Variants in GALNT17 observed in about 807,000 individuals in gnomAD.
GALNT17 encodes the protein UDP-GalNAc:polypeptide N-acetylgalactosaminyltransferase-like 3.
A neutral mutation model predicts 63.7 loss-of-function variants in GALNT17; 29 were observed. That is an observed-to-expected ratio of 0.46 (90% CI 0.34 to 0.62). The LOEUF is 0.62. Among genes scored for constraint, GALNT17 ranks in the 20% least tolerant of loss-of-function variants. The pLI is 0.01. For synonymous variants in GALNT17, 305 were observed against 318.3 expected (o/e 0.96, Z 0.45); for missense variants, 603 against 799.6 (o/e 0.75, Z 2.97).
chr7:71,348,812 C>T (rs1223557579), intron 2 of GALNT17, among the ~76,000 whole-genome samples: 1 of 152,162 alleles, frequency 6.6e-6, no homozygotes, highest in Non-Finnish European at 1.5e-5. Flanking sequence ...TTACTGGGGA[C>T]TTGAGAGTTG....
intron 5 of GALNT17, among the ~76,000 whole-genome samples, chr7:71,459,272 A>G (rs1310385060): frequency 1.3e-5 from 2 of 152,202 alleles, no homozygotes; most frequent in Admixed American, 1.3e-4. Flanking sequence ...ATACAGAAAA[A>G]AAAAGTGACA....
chr7:71,421,023 G>A lies in GALNT17; in HGVS notation c.880G>A (p.Gly294Arg). 4 of 1,614,148 alleles carry A rather than the reference G, an allele frequency of 2.5e-6. No homozygotes were observed. Among genetic ancestry groups the A allele is most frequent in the Admixed American group, 1.7e-5 (1 of 60,020 alleles). The change falls in exon 5 of 11, where the codon GGG becomes AGG. Residue 294 changes from glycine to arginine, a missense_variant. Coordinates refer to ENST00000333538, the MANE Select transcript of GALNT17 (RefSeq NM_022479.3). ...EVQRYENSAH[G>R]YSWELWCMYI... ...GCAGCGGTACGAGAACTCGGCCCACGGGTACAGCTGGGAGCTGTGGTGCAT... is the reference window on the plus strand; with the variant it reads ...GCAGCGGTACGAGAACTCGGCCCACAGGTACAGCTGGGAGCTGTGGTGCAT...
At chr7:71,467,511 A>G (rs577674384) in intron 5 of GALNT17, among the ~76,000 whole-genome samples, 1 of 152,290 alleles carries the variant, frequency 6.6e-6, no homozygotes, top group African/African-American at 2.4e-5. Context: ...TTCAAGGGAC[A>G]ATTGCAAAAG....
chr7:71,270,166 T>C (rs1019931887), intron 1 of GALNT17, among the ~76,000 whole-genome samples: 1 of 152,096 alleles, frequency 6.6e-6, no homozygotes, highest in African/African-American at 2.4e-5. Context: ...CACAGAGAGA[T>C]TGAGAAACGT....
chr7:71,652,571 T>A (rs1023615401), intron 6 of GALNT17, among the ~76,000 whole-genome samples: 2 of 152,120 alleles, frequency 1.3e-5, no homozygotes, highest in Admixed American at 1.3e-4. Context: ...GAGTAACAAA[T>A]TAAAATATTC....
At chr7:71,221,733 G>A (rs1431412139) in intron 1 of GALNT17, among the ~76,000 whole-genome samples, 1 of 152,130 alleles carries the variant, frequency 6.6e-6, no homozygotes, top group Non-Finnish European at 1.5e-5. Flanking sequence ...TGCCTTTGAT[G>A]TAAGCTTCAT....
At chr7:71,362,147 G>C (rs753305286) in intron 2 of GALNT17, among the ~76,000 whole-genome samples, 2 of 151,956 alleles carry the variant, frequency 1.3e-5, no homozygotes, top group Non-Finnish European at 2.9e-5. Context: ...TAGTAGAAAC[G>C]GGGTTTCTCC....
At chr7:71,377,894 G>A (rs959182212) in intron 2 of GALNT17, among the ~76,000 whole-genome samples, 1 of 152,162 alleles carries the variant, frequency 6.6e-6, no homozygotes, top group Non-Finnish European at 1.5e-5. Context: ...TGCTATGATT[G>A]TAAGTTTCCT....
At chr7:71,281,891 C>T (rs777724907) in intron 1 of GALNT17, among the ~76,000 whole-genome samples, 8 of 152,186 alleles carry the variant, frequency 5.3e-5, no homozygotes, top group South Asian at 2.1e-4. Context: ...AGGTTAGTGT[C>T]GTGGGATGAA....
chr7:71,424,911 A>C (rs1252704571), intron 5 of GALNT17, among the ~76,000 whole-genome samples: 1 of 152,212 alleles, frequency 6.6e-6, no homozygotes, highest in Non-Finnish European at 1.5e-5. Context: ...CCCGGTAAGC[A>C]ACATAATATA....
intron 5 of GALNT17, among the ~76,000 whole-genome samples, chr7:71,546,095 A>G (rs35485629): frequency 0.049 from 7,485 of 151,830 alleles, 240 homozygotes; most frequent in Non-Finnish European, 0.078. Context: ...CCCTGTCTCA[A>G]CAACAACAAC....
chr7:71,492,584 TGGA>T (rs1788028943), intron 5 of GALNT17, among the ~76,000 whole-genome samples: 1 of 152,142 alleles, frequency 6.6e-6, no homozygotes. Context: ...CTTTCCCTGG[TGGA>T]GGAGAAGAGA....
intron 1 of GALNT17, among the ~76,000 whole-genome samples, chr7:71,162,881 G>A (rs1000910302): frequency 4.6e-5 from 7 of 152,128 alleles, no homozygotes; most frequent in Admixed American, 4.6e-4. Context: ...GGCTTAGGAG[G>A]GTTTTGAACT....
rs1250025132 is a variant in GALNT17, at chr7:71,199,518, CCATT to C, written c.238+66482_238+66485del. 2.6e-4 allele frequency among the ~76,000 whole-genome samples: 38 copies of C among 146,624 alleles called. 1 individual carries two copies. The highest frequency in any genetic ancestry group is 8.4e-4 in the African/African-American group (32 of 37,926). On this transcript the variant is annotated intron_variant, in intron 1 of 10. Coordinates refer to ENST00000333538, the MANE Select transcript of GALNT17 (RefSeq NM_022479.3). Reference sequence around the variant, plus strand: ...ACACACATCCATCCACTAACCCCATCCATTCATCCATCCATCCATCCATCCATCC... The same window carrying C: ...ACACACATCCATCCACTAACCCCATCCATCCATCCATCCATCCATCCATCC...
chr7:71,669,901 A>G lies in GALNT17; in HGVS notation c.1267-71A>G, dbSNP rs192629423. The G allele has an allele frequency of 4.2e-4, 663 of 1,573,134 alleles. 2 individuals carry two copies. The African/African-American group carries it at 7.6e-3, about 18-fold the overall frequency. The stretch of plus-strand genomic sequence containing the variant: ...CTATGTGAAGGTTTCCCTGAAAGTG[A>G]CTCCACCTGTGCCCCACTCTGGCCA... On this transcript the variant is annotated intron_variant, in intron 7 of 10. Transcript: ENST00000333538.
At position 71,141,183 on chromosome 7, in the gene GALNT17, A is replaced by G. The variant is rs541137632; in HGVS notation, c.238+8143A>G. Among the ~76,000 whole-genome samples the G allele has an allele frequency of 4.6e-5, 7 of 152,152 alleles. No homozygotes were observed. In the South Asian group the frequency reaches 8.3e-4, roughly 18 times the overall value. Reference sequence around the variant, plus strand: ...GGAGTTCAAGACCAGCCTGGCCAACATGGCGAAACCCCATCTCTACTAAAA... The same window carrying G: ...GGAGTTCAAGACCAGCCTGGCCAACGTGGCGAAACCCCATCTCTACTAAAA... On this transcript the variant is annotated intron_variant, in intron 1 of 10. Coordinates refer to ENST00000333538, the MANE Select transcript of GALNT17 (RefSeq NM_022479.3).
intron 2 of GALNT17, among the ~76,000 whole-genome samples, chr7:71,382,752 G>C (rs1792870281): frequency 6.6e-6 from 1 of 152,126 alleles, no homozygotes; most frequent in Non-Finnish European, 1.5e-5. Flanking sequence ...CGTTCATTCG[G>C]GTTCCCTAGA....
intron 3 of GALNT17, among the ~76,000 whole-genome samples, chr7:71,401,809 C>G (rs1417381791): frequency 1.3e-5 from 2 of 152,150 alleles, no homozygotes; most frequent in Admixed American, 1.3e-4. Flanking sequence ...CCCACTGATT[C>G]TACATTATGG....
chr7:71,191,504 A>T (rs1788951695), intron 1 of GALNT17, among the ~76,000 whole-genome samples: 1 of 152,226 alleles, frequency 6.6e-6, no homozygotes. Context: ...CAATATGTAA[A>T]TAACTGCATG....
Sources: allele counts gnomAD v4.1 joint callset (sites outside exome capture counted in the v4.1 genomes callset), GRCh38; gene constraint gnomAD v4.1.1; transcripts MANE v1.5; gene names NCBI Gene and HGNC (gene_info 2026-07-23, HGNC 2026-07-21).